Variants in UBR4 observed in about 807,000 individuals in gnomAD.
UBR4 encodes the protein E3 ubiquitin-protein ligase UBR4.
In UBR4, 124 loss-of-function variants were observed where a neutral mutation model predicts 575.6. The ratio of observed to expected loss-of-function variants is 0.22; its 90% CI spans 0.19 to 0.25. UBR4 has a LOEUF of 0.25. Among genes scored for constraint, UBR4 ranks in the 10% least tolerant of loss-of-function variants. UBR4 has a pLI of 1.00. For synonymous variants in UBR4, 2,455 were observed against 2,473.7 expected, an observed-to-expected ratio of 0.99 and a Z score of 0.22; for missense variants, 4,818 against 6,478.8, an observed-to-expected ratio of 0.74 and a Z score of 8.80.
At chr1:19,146,380 T>C (rs566671452) in intron 52 of UBR4, among the ~76,000 whole-genome samples, 10 of 152,262 alleles carry the variant, frequency 6.6e-5, no homozygotes, top group African/African-American at 2.4e-4. Context: ...CAAAACAGGT[T>C]TGCTACCCAG....
chr1:19,150,907 T>C (rs2085591864), intron 48 of UBR4, 114 bp from the exon 49 acceptor site: 3 of 992,712 alleles, frequency 3.0e-6, no homozygotes, highest in Non-Finnish European at 4.5e-6. Context: ...TTTATAGACA[T>C]AGAGAAACTT....
chr1:19,178,137 T>C (rs2090477269), intron 18 of UBR4, among the ~76,000 whole-genome samples: 1 of 152,224 alleles, frequency 6.6e-6, no homozygotes, highest in East Asian at 1.9e-4. Flanking sequence ...TTCAATTACT[T>C]TTCCCCATAT....
At chr1:19,207,776 GA>G (rs112247952) in intron 1 of UBR4, among the ~76,000 whole-genome samples, 4,776 of 143,252 alleles carry the variant, frequency 0.033, 99 homozygotes, top group East Asian at 0.11. Flanking sequence ...AAGAGTGGTT[GA>G]AAAAAAAAAA....
chr1:19,079,527 C>A (rs1286109137), intron 103 of UBR4: 1 of 152,204 alleles, frequency 6.6e-6, no homozygotes, highest in Non-Finnish European at 1.5e-5. Flanking sequence ...GGCAGAGGAA[C>A]TTTTTTTCTG....
chr1:19,087,738 C>T, intron 99 of UBR4, 78 bp downstream of exon 99: 1 of 1,185,806 alleles, frequency 8.4e-7, no homozygotes, highest in Non-Finnish European at 1.2e-6. Flanking sequence ...AACAAAATGG[C>T]CTGGAGGAGG....
intron 93 of UBR4, 66 bp from the exon 94 acceptor site, chr1:19,095,091 T>C (rs891107059): frequency 1.9e-6 from 3 of 1,611,060 alleles, no homozygotes; most frequent in African/African-American, 2.7e-5. Flanking sequence ...TGAGGACAAT[T>C]GCTCTCAAGG....
intron 38 of UBR4, 31 bp from the exon 39 acceptor site, chr1:19,160,312 A>T: frequency 9.3e-7 from 1 of 1,073,020 alleles, no homozygotes; most frequent in African/African-American, 2.2e-5. Context: ...ACACCAGTGA[A>T]AAAAAAAAAA....
chr1:19,084,810 G>T, intron 101 of UBR4, 112 bp from the exon 102 acceptor site: 1 of 1,034,846 alleles, frequency 9.7e-7, no homozygotes, highest in Non-Finnish European at 1.4e-6. Flanking sequence ...GCAAAGGTTT[G>T]CAAACGGAGA....
chr1:19,156,433 G>A lies in UBR4; in HGVS notation c.5920-10C>T, dbSNP rs779795591. 6.2e-7 allele frequency: 1 copy of A among 1,608,722 alleles called. No individual in the cohort carries two copies. The highest frequency in any genetic ancestry group is 8.5e-7 in the Non-Finnish European group (1 of 1,177,798). On this transcript the variant is annotated splice_polypyrimidine_tract_variant and intron_variant, in intron 41 of 105. Coordinates refer to ENST00000375254, the MANE Select transcript of UBR4 (RefSeq NM_020765.3). The stretch of plus-strand genomic sequence containing the variant: ...TGAGCACATGACAGTCCTGGACAAT[G>A]TTTAAGAAACAAAATGGTGAAAAGA...
Position 19,118,884 on chromosome 1 carries a change from G to C in UBR4, c.10529C>G (p.Ser3510Trp), listed in dbSNP as rs2080876731. The change falls in exon 71 of 106, where the codon TCG (serine) becomes TGG (tryptophan). Residue 3510 changes from serine (S) to tryptophan (W), a missense_variant. Ser to Trp is a radical substitution (Grantham distance 177). This residue lies in a region of UBR4 where 550 missense variants were observed against 791.5 expected (regional missense o/e 0.69). Coordinates refer to ENST00000375254, the MANE Select transcript of UBR4 (RefSeq NM_020765.3). ...QNHILTNHPN[S>W]NIYNTLSGLV... Reference sequence around the variant, plus strand: ...AAACAAAGCTCACTTATAAATGTTCGAGTTGGGGTGGTTGGTAAGAATATG... The same window carrying C: ...AAACAAAGCTCACTTATAAATGTTCCAGTTGGGGTGGTTGGTAAGAATATG... The C allele has an allele frequency of 6.2e-7, 1 of 1,614,042 alleles. No homozygotes were observed. Among genetic ancestry groups the C allele is most frequent in the Non-Finnish European group, 8.5e-7 (1 of 1,180,026 alleles).
chr1:19,140,162 CT>C (rs2083694865), intron 58 of UBR4, among the ~76,000 whole-genome samples: 1 of 151,888 alleles, frequency 6.6e-6, no homozygotes, highest in Admixed American at 6.6e-5. Context: ...CCTTAAATTA[CT>C]CAGGGGTTGA....
At chr1:19,077,230 G>A (rs776553406) in intron 104 of UBR4, among the ~76,000 whole-genome samples, 5 of 152,194 alleles carry the variant, frequency 3.3e-5, no homozygotes, top group South Asian at 2.1e-4. Context: ...GTCTCATTCC[G>A]ATGATGAAAG....
intron 11 of UBR4, among the ~76,000 whole-genome samples, chr1:19,190,312 A>AAAAAAAAAAAAAAAATAT: frequency 2.3e-4 from 18 of 79,916 alleles, no homozygotes; most frequent in African/African-American, 9.1e-4. Context: ...AAAAAAAAAA[A>AAAAAAAAAAAAAAAATAT]ATATATATAT....
intron 20 of UBR4, among the ~76,000 whole-genome samples, 175 bp from the exon 21 acceptor site, chr1:19,175,208 C>A (rs1314124862): frequency 6.6e-6 from 1 of 152,068 alleles, no homozygotes; most frequent in Non-Finnish European, 1.5e-5. Flanking sequence ...CTCTAGGTGA[C>A]TTAACAGCAG....
intron 60 of UBR4, among the ~76,000 whole-genome samples, chr1:19,135,425 A>G (rs528911432): frequency 5.6e-4 from 86 of 152,352 alleles, no homozygotes; most frequent in African/African-American, 1.9e-3. Flanking sequence ...ATTTTAACAC[A>G]TAACTCCAGC....
chr1:19,169,960 T>TGA (rs2089238876), intron 26 of UBR4, among the ~76,000 whole-genome samples: 1 of 152,206 alleles, frequency 6.6e-6, no homozygotes, highest in African/African-American at 2.4e-5. Flanking sequence ...CAGCATTCAA[T>TGA]GAAGCAGTAC....
chr1:19,170,427 G>A (rs1339870704), intron 26 of UBR4, among the ~76,000 whole-genome samples: 2 of 152,256 alleles, frequency 1.3e-5, no homozygotes, highest in East Asian at 1.9e-4. Flanking sequence ...GGGGAGGGGA[G>A]GGGAGGAGAG....
In UBR4 at chr1:19,081,520, G is replaced by A. The variant is rs146219234; in HGVS notation, c.15062C>T (p.Pro5021Leu). 437 of 1,613,852 alleles carry A rather than the reference G, an allele frequency of 2.7e-4. 2 individuals carry two copies. Among genetic ancestry groups the A allele is most frequent in the Admixed American group, 8.3e-5 (5 of 59,970 alleles). Reference protein sequence around the residue: ...EKNLQGFLEQPKEKWVESAFE... With the variant: ...EKNLQGFLEQLKEKWVESAFE... ...GGCACTCTCCACCCACTTCTCCTTG[G>A]GCTGTTCCAGAAAGCCTTGGAGGTT... is the stretch of plus-strand genomic sequence containing the variant. Residue 5021 changes from proline (P) to leucine (L), a missense_variant, in exon 103 of 106, where the codon CCC becomes CTC. By Grantham distance (98) the Pro-to-Leu change is moderately conservative. This residue lies in a region of UBR4 where 212 missense variants were observed against 221.3 expected (regional missense o/e 0.96). Coordinates refer to ENST00000375254, the MANE Select transcript of UBR4 (RefSeq NM_020765.3).
Position 19,110,713 on chromosome 1 carries a change from G to A in UBR4, c.11892+29C>T, listed in dbSNP as rs915346044. On this transcript the variant is annotated intron_variant, in intron 79 of 105. Coordinates refer to ENST00000375254, the MANE Select transcript of UBR4 (RefSeq NM_020765.3). This position sits in a 1 kb window ranked among gnomAD's most constrained non-coding sequence, Gnocchi z 4.5. The stretch of plus-strand genomic sequence containing the variant: ...AAGGCATGTGAGGGGAAGTCAGAGA[G>A]GACAGCTGGGCCTGCTAGGCCGGCT... 3 of 1,610,368 alleles carry A rather than the reference G, an allele frequency of 1.9e-6. No individual in the cohort carries two copies. Among genetic ancestry groups the A allele is most frequent in the African/African-American group, 2.7e-5 (2 of 74,864 alleles).
Sources: allele counts gnomAD v4.1 joint callset (sites outside exome capture counted in the v4.1 genomes callset), GRCh38; gene constraint gnomAD v4.1.1; regional missense constraint gnomAD v4.1.1; non-coding constraint Gnocchi (gnomAD v3.1); transcripts MANE v1.5; gene names NCBI Gene and HGNC (gene_info 2026-07-23, HGNC 2026-07-21).